Variants in AP1B1 observed in about 807,000 individuals in gnomAD.
The protein encoded by AP1B1 is adaptor related protein complex 1 subunit beta 1.
A neutral mutation model predicts 104.3 loss-of-function variants in AP1B1; 36 were observed. The observed-to-expected ratio is 0.35, with a 90% CI of 0.26 to 0.46. The LOEUF is 0.46. Ranked by LOEUF, AP1B1 falls within the 20% of genes least tolerant of loss-of-function variation. The pLI is 1.00. For synonymous variants in AP1B1, 504 were observed against 517.5 expected, an observed-to-expected ratio of 0.97 and a Z score of 0.35; for missense variants, 901 against 1,247.9, an observed-to-expected ratio of 0.72 and a Z score of 4.19.
intron 1 of AP1B1, among the ~76,000 whole-genome samples, chr22:29,372,647 A>G (rs1408613437): frequency 6.6e-6 from 1 of 152,118 alleles, no homozygotes; most frequent in Non-Finnish European, 1.5e-5. Context: ...ATTTCCATCT[A>G]AAGACTTTGG....
intron 2 of AP1B1, 49 bp from the exon 3 acceptor site, chr22:29,363,155 G>T (rs763576121): frequency 1.2e-6 from 1 of 846,224 alleles, no homozygotes; most frequent in Non-Finnish European, 2.0e-6. Flanking sequence ...CCTGGCAGGG[G>T]ACAATTCCCA....
At chr22:29,361,590 CA>C (rs1286772619) in intron 3 of AP1B1, among the ~76,000 whole-genome samples, 1 of 152,128 alleles carries the variant, frequency 6.6e-6, no homozygotes, top group African/African-American at 2.4e-5. Flanking sequence ...TGCAGACTCT[CA>C]AATACTGTGC....
At chr22:29,384,742 C>T (rs564626140) in intron 1 of AP1B1, among the ~76,000 whole-genome samples, 67 of 152,088 alleles carry the variant, frequency 4.4e-4, no homozygotes, top group Admixed American at 9.2e-4. Context: ...GTGGCAGGTG[C>T]CTGTAATCCC....
At chr22:29,388,085 A>AT (rs2062560842) in intron 1 of AP1B1, among the ~76,000 whole-genome samples, 1 of 152,146 alleles carries the variant, frequency 6.6e-6, no homozygotes, top group Admixed American at 6.5e-5. Flanking sequence ...AGGCCTCAGG[A>AT]TGGCCATGGA....
At chr22:29,383,052 G>A (rs2062461911) in intron 1 of AP1B1, among the ~76,000 whole-genome samples, 1 of 152,108 alleles carries the variant, frequency 6.6e-6, no homozygotes, top group Non-Finnish European at 1.5e-5. Flanking sequence ...TTAAAATGAA[G>A]TAAGCAACTA....
At chr22:29,340,436 CA>C (rs1258261601) in intron 14 of AP1B1, among the ~76,000 whole-genome samples, 4 of 152,158 alleles carry the variant, frequency 2.6e-5, no homozygotes, top group African/African-American at 9.7e-5. Flanking sequence ...GTCTGCCTCT[CA>C]GGGGCTGTGC....
Position 29,341,724 on chromosome 22 carries a change from T to A in AP1B1, c.1573A>T (p.Ile525Phe). 6.2e-7 allele frequency: 1 copy of A among 1,613,612 alleles called. No individual in the cohort carries two copies. Among genetic ancestry groups the A allele is most frequent in the East Asian group, 2.2e-5 (1 of 44,864 alleles). Residue 525 changes from isoleucine (I) to phenylalanine (F), a missense_variant, in exon 13 of 23, where the codon ATC becomes TTC. Transcript: ENST00000357586. ...TCCGTGGACAGCAGGCGCCAGTAGA[T>A]GTAGCCACGGTCCCGCAGGTCTGGG... The part of the protein sequence containing the change: ...DNPDLRDRGY[I>F]YWRLLSTDPV...
rs781674082 is a variant in AP1B1, at chr22:29,331,479, G to T, written c.2494C>A (p.His832Asn). ...TTCCCGTCCTCCACAAAGAGGATGT[G>T]CAGTGGGTACAAGGTGCTGAAGTAG... is the stretch of plus-strand genomic sequence containing the variant. ...VFYFSTLYPL[H>N]ILFVEDGKMD... The change falls in exon 19 of 23, where the codon CAC (histidine) becomes AAC (asparagine). Residue 832 changes from histidine (H) to asparagine (N), a missense_variant. Transcript: ENST00000357586. 11 of 1,614,094 alleles carry T rather than the reference G, an allele frequency of 6.8e-6. No homozygotes were observed. Among genetic ancestry groups the T allele is most frequent in the Non-Finnish European group, 9.3e-6 (11 of 1,180,042 alleles).
In AP1B1 at chr22:29,350,024, C is replaced by A. The variant is rs541367205; in HGVS notation, c.1271+11G>T. On this transcript the variant is annotated intron_variant, in intron 10 of 22. Transcript: ENST00000357586. ...GCTAGATGCCCTCTCCCTAGGAGGG[C>A]GGGCACGCACTTGTTGGGGTACTTG... The A allele has an allele frequency of 1.2e-6, 2 of 1,601,772 alleles. No individual in the cohort carries two copies. The highest frequency in any genetic ancestry group is 1.7e-6 in the Non-Finnish European group (2 of 1,168,818).
Position 29,358,933 on chromosome 22 carries a change from T to G in AP1B1, c.318A>C (p.Ala106=), listed in dbSNP as rs761342475. ...CGCGGATGCAGCCCATGGTCCGCAC[T>G]GCCAGGGCTCGGATGAGGGGGTTGG... ...EDPNPLIRAL[A]VRTMGCIRVD... is the part of the protein sequence containing the mutation. Residue 106 remains alanine, a synonymous_variant, in exon 5 of 23, where the codon GCA becomes GCC. Transcript: ENST00000357586. 2.1e-5 allele frequency: 34 copies of G among 1,612,376 alleles called. No homozygotes were observed. In the Admixed American group the frequency reaches 5.4e-4, roughly 25 times the overall value.
At chr22:29,366,693 G>A (rs1275173016) in intron 2 of AP1B1, among the ~76,000 whole-genome samples, 2 of 151,984 alleles carry the variant, frequency 1.3e-5, no homozygotes, top group Non-Finnish European at 2.9e-5. Context: ...CAGCAATTCC[G>A]GAGGCTGAGG....
intron 1 of AP1B1, among the ~76,000 whole-genome samples, chr22:29,372,424 CAAA>C (rs695265): frequency 9.4e-5 from 5 of 53,296 alleles, no homozygotes; most frequent in Admixed American, 4.1e-4. Context: ...AACTGGGTCT[CAAA>C]AAAAAAAAAA....
chr22:29,346,185 A>T (rs1358703867), intron 11 of AP1B1, among the ~76,000 whole-genome samples: 3 of 152,144 alleles, frequency 2.0e-5, no homozygotes, highest in Non-Finnish European at 4.4e-5. Flanking sequence ...AGGAGCTTGG[A>T]TCTCAAACTT....
chr22:29,377,112 C>T (rs1181345751), intron 1 of AP1B1, among the ~76,000 whole-genome samples: 1 of 144,382 alleles, frequency 6.9e-6, no homozygotes, highest in African/African-American at 2.6e-5. Context: ...GGAAGAATCG[C>T]TTGAACCTGG....
Position 29,356,629 on chromosome 22 carries a change from G to C in AP1B1, c.526-13C>G. ...CATTGGCCACCACCTGGTTGAGAGGGTGGGAGGGGCAGAGGCTGGGGGTGC... is the reference window on the plus strand; with the variant it reads ...CATTGGCCACCACCTGGTTGAGAGGCTGGGAGGGGCAGAGGCTGGGGGTGC... On this transcript the variant is annotated splice_polypyrimidine_tract_variant and intron_variant, in intron 5 of 22. Transcript: ENST00000357586. The C allele has an allele frequency of 6.2e-7, 1 of 1,612,976 alleles. No homozygotes were observed. Among genetic ancestry groups the C allele is most frequent in the Non-Finnish European group, 8.5e-7 (1 of 1,179,310 alleles).
At chr22:29,363,280 G>A (rs2062078943) in intron 2 of AP1B1, among the ~76,000 whole-genome samples, 174 bp from the exon 3 acceptor site, 1 of 152,122 alleles carries the variant, frequency 6.6e-6, no homozygotes, top group African/African-American at 2.4e-5. Context: ...AGGGATGACT[G>A]TTAGGACAGG....
In AP1B1 at chr22:29,328,706, C is replaced by T. The variant is rs2061512023; in HGVS notation, c.*115G>A. On this transcript the variant is annotated 3_prime_UTR_variant, in exon 23 of 23. Coordinates refer to ENST00000357586, the MANE Select transcript of AP1B1 (RefSeq NM_001127.4). This position sits in a 1 kb window ranked among gnomAD's most constrained non-coding sequence, Gnocchi z 4.1. The stretch of plus-strand genomic sequence containing the variant: ...GTTCTGCCATCAGGACCAGGGAGCC[C>T]ACTGAGTGGCCTGGAGCCCCGCCTG... The T allele has an allele frequency of 2.3e-6, 3 of 1,321,232 alleles. No homozygotes were observed. In the South Asian group the frequency reaches 4.1e-5, roughly 18 times the overall value. The allele number at this position is 1,321,232 out of a possible 1,614,324, so 81.8% of individuals were successfully genotyped here. A position where few individuals can be genotyped will look rare whatever the true frequency, so the allele number is the denominator to read the frequency against.
chr22:29,359,221 G>A (rs2057513518), intron 4 of AP1B1, among the ~76,000 whole-genome samples: 1 of 152,174 alleles, frequency 6.6e-6, no homozygotes, highest in East Asian at 1.9e-4. Flanking sequence ...TATAGATGAT[G>A]AAACTGAGGC....
At chr22:29,332,154 T>C (rs2061571535) in intron 17 of AP1B1, 5 of 445,960 alleles carry the variant, frequency 1.1e-5, no homozygotes, top group South Asian at 7.9e-5. Context: ...CCAGCCTGGC[T>C]GCAGGCCTGA....
Sources: allele counts gnomAD v4.1 joint callset (sites outside exome capture counted in the v4.1 genomes callset), GRCh38; gene constraint gnomAD v4.1.1; non-coding constraint Gnocchi (gnomAD v3.1); transcripts MANE v1.5; gene names NCBI Gene and HGNC (gene_info 2026-07-23, HGNC 2026-07-21).